The following ZNF557 variants were observed in gnomAD, a reference collection of about 807,000 sequenced individuals.
ZNF557 encodes the protein zinc finger protein 557.
A neutral mutation model predicts 21.2 loss-of-function variants in ZNF557; 19 were observed. The ratio of observed to expected loss-of-function variants is 0.90; its 90% CI spans 0.63 to 1.32. The LOEUF (loss-of-function observed/expected upper bound fraction) is 1.32, where lower values mean the gene tolerates loss of function less well. Among genes scored for constraint, ZNF557 ranks in the 40% most tolerant of loss-of-function variants. ZNF557 has a pLI of 0.00. For missense variants in ZNF557, 487 were observed against 519.8 expected, an observed-to-expected ratio of 0.94 and a Z score of 0.61; for synonymous variants, 207 against 194.8, an observed-to-expected ratio of 1.06 and a Z score of -0.52.
At position 7,075,255 on chromosome 19, in the gene ZNF557, T is replaced by C. The variant is rs554894754; in HGVS notation, c.31+150T>C. ...CCTCCGTGTCTGATCGGGCGGCTCT[T>C]GGGACTTGGGACTTAGGCATTTGGG... On this transcript the variant is annotated intron_variant, in intron 3 of 7. Coordinates refer to ENST00000252840, the MANE Select transcript of ZNF557 (RefSeq NM_024341.3). The C allele has an allele frequency of 6.6e-5, 67 of 1,013,798 alleles. No homozygotes were observed. The East Asian group carries it at 1.2e-3, about 17-fold the overall frequency. 62.8% of individuals were successfully genotyped at this position (1,013,798 alleles called of 1,614,324 possible). A position where few individuals can be genotyped will look rare whatever the true frequency, so the allele number is the denominator to read the frequency against.
rs1363513051 is a variant in ZNF557, at chr19:7,086,209, CAA to C, written c.*2468_*2469del. 8.0e-6 allele frequency: 1 copy of C among 124,298 alleles called. No homozygotes were observed. Among genetic ancestry groups the C allele is most frequent in the East Asian group, 2.4e-4 (1 of 4,186 alleles). 7.7% of individuals were successfully genotyped at this position (124,298 alleles called of 1,614,324 possible). On this transcript the variant is annotated 3_prime_UTR_variant, in exon 8 of 8. Coordinates refer to ENST00000252840, the MANE Select transcript of ZNF557 (RefSeq NM_024341.3). ...TCATGCCACTTCACTCCAGCCTGGG[CAA>C]AAGAGTGCAACTCTGTCTCAAAAAA...
At chr19:7,071,381 C>T (rs1426514687) in intron 2 of ZNF557, among the ~76,000 whole-genome samples, 1 of 152,134 alleles carries the variant, frequency 6.6e-6, no homozygotes, top group African/African-American at 2.4e-5. Flanking sequence ...GCTTCTCAGT[C>T]GCACTAACCA....
At chr19:7,071,488 C>T (rs1977455859) in intron 2 of ZNF557, among the ~76,000 whole-genome samples, 1 of 152,174 alleles carries the variant, frequency 6.6e-6, no homozygotes, top group Non-Finnish European at 1.5e-5. Flanking sequence ...TGCTGGGCGG[C>T]ATTGTTCTAG....
At chr19:7,080,028 G>A (rs1054755667) in intron 5 of ZNF557, among the ~76,000 whole-genome samples, 12 of 152,128 alleles carry the variant, frequency 7.9e-5, no homozygotes, top group South Asian at 2.1e-4. Context: ...GAGGCCGGGC[G>A]CAGTGGCTCA....
intron 2 of ZNF557, among the ~76,000 whole-genome samples, chr19:7,074,431 C>T (rs1475921045): frequency 2.6e-5 from 4 of 151,382 alleles, no homozygotes; most frequent in African/African-American, 9.7e-5. Flanking sequence ...CTTAAATTTA[C>T]TGACGATAAT....
chr19:7,079,377 G>A (rs374777229), intron 5 of ZNF557, among the ~76,000 whole-genome samples: 1 of 151,332 alleles, frequency 6.6e-6, no homozygotes, highest in East Asian at 1.9e-4. Context: ...GAGTAGCTGG[G>A]ACTACAGGCG....
rs1977830023 is a variant in ZNF557 at position 7,085,933 on chromosome 19, T to C, written c.*2189T>C. ...TCCTGAGTGATCTAGTTTGTTATAATAGAAATTAGACATTTGCCAGGTGTG... is the reference window on the plus strand; with the variant it reads ...TCCTGAGTGATCTAGTTTGTTATAACAGAAATTAGACATTTGCCAGGTGTG... On this transcript the variant is annotated 3_prime_UTR_variant, in exon 8 of 8. Transcript: ENST00000252840. 1 of 152,062 alleles carries C rather than the reference T, an allele frequency of 6.6e-6. No individual in the cohort carries two copies. The highest frequency in any genetic ancestry group is 2.4e-5 in the African/African-American group (1 of 41,416). 9.4% of individuals were successfully genotyped at this position (152,062 alleles called of 1,614,324 possible). A position where few individuals can be genotyped will look rare whatever the true frequency, so the allele number is the denominator to read the frequency against.
chr19:7,082,689 A>G (rs1027945058), intron 7 of ZNF557, among the ~76,000 whole-genome samples, 189 bp from the exon 8 acceptor site: 14 of 152,230 alleles, frequency 9.2e-5, no homozygotes, highest in African/African-American at 3.4e-4. Context: ...GATTTGTAGA[A>G]AGAATCCATC....
chr19:7,078,523 T>G (rs1411248968), intron 5 of ZNF557, among the ~76,000 whole-genome samples: 1 of 151,498 alleles, frequency 6.6e-6, no homozygotes, highest in African/African-American at 2.4e-5. Context: ...CTCTGCCTCC[T>G]GGGTTCAAGC....
intron 7 of ZNF557, among the ~76,000 whole-genome samples, chr19:7,082,421 CAAAAAAAA>C (rs10641888): frequency 9.2e-6 from 1 of 108,428 alleles, no homozygotes. Context: ...GACTCTGTCT[CAAAAAAAA>C]AAAAAAAAAA....
Position 7,085,278 on chromosome 19 carries a change from T to C in ZNF557, c.*1534T>C. 6.6e-6 allele frequency: 1 copy of C among 152,170 alleles called. No individual in the cohort carries two copies. Among genetic ancestry groups the C allele is most frequent in the Non-Finnish European group, 1.5e-5 (1 of 68,040 alleles). The allele number at this position is 152,170 out of a possible 1,614,324, so 9.4% of individuals were successfully genotyped here. A position where few individuals can be genotyped will look rare whatever the true frequency, so the allele number is the denominator to read the frequency against. ...ACCTCTGCCTCCCAGGCTTAAGGGA[T>C]CCTCCCACCTCAGCCTCCCAAGTAG... is the stretch of plus-strand genomic sequence containing the variant. On this transcript the variant is annotated 3_prime_UTR_variant, in exon 8 of 8. Coordinates refer to ENST00000252840, the MANE Select transcript of ZNF557 (RefSeq NM_024341.3).
In ZNF557 at chr19:7,083,499, T is replaced by C; in HGVS notation, c.1048T>C (p.Cys350Arg). The change falls in exon 8 of 8, where the codon TGT becomes CGT. Residue 350 changes from cysteine (C) to arginine (R), a missense_variant. Coordinates refer to ENST00000252840, the MANE Select transcript of ZNF557 (RefSeq NM_024341.3). ...RTHTGEKPYT[C>R]NECGKSFTNS... is the part of the protein sequence containing the mutation. ...TCATACTGGAGAAAAACCCTACACA[T>C]GTAATGAGTGTGGGAAATCCTTTAC... 6.2e-7 allele frequency: 1 copy of C among 1,614,156 alleles called. No homozygotes were observed. The highest frequency in any genetic ancestry group is 1.6e-4 in the Middle Eastern group (1 of 6,062).
Position 7,085,254 on chromosome 19 carries a change from C to T in ZNF557, c.*1510C>T, listed in dbSNP as rs1368125543. On this transcript the variant is annotated 3_prime_UTR_variant, in exon 8 of 8. Coordinates refer to ENST00000252840, the MANE Select transcript of ZNF557 (RefSeq NM_024341.3). ...GTGGTGCAATCTTGGCTTATTGTAA[C>T]CTCTGCCTCCCAGGCTTAAGGGATC... 6.6e-6 allele frequency: 1 copy of T among 152,100 alleles called. No homozygotes were observed. Among genetic ancestry groups the T allele is most frequent in the Non-Finnish European group, 1.5e-5 (1 of 68,018 alleles). The allele number at this position is 152,100 out of a possible 1,614,324, so 9.4% of individuals were successfully genotyped here. A position where few individuals can be genotyped will look rare whatever the true frequency, so the allele number is the denominator to read the frequency against.
At position 7,084,230 on chromosome 19, in the gene ZNF557, T is replaced by C. The variant is rs1008379303; in HGVS notation, c.*486T>C. 1.8e-5 allele frequency: 3 copies of C among 164,026 alleles called. No homozygotes were observed. The highest frequency in any genetic ancestry group is 7.2e-5 in the African/African-American group (3 of 41,512). The allele number at this position is 164,026 out of a possible 1,614,324, so 10.2% of individuals were successfully genotyped here. On this transcript the variant is annotated 3_prime_UTR_variant, in exon 8 of 8. Transcript: ENST00000252840. ...ATATGTTTTCATGTCCCTGTTACAT[T>C]GGTCATACACACCAATCCTGATACA...
At chr19:7,072,818 CT>C (rs1402946340) in intron 2 of ZNF557, among the ~76,000 whole-genome samples, 1 of 152,288 alleles carries the variant, frequency 6.6e-6, no homozygotes, top group East Asian at 1.9e-4. Flanking sequence ...TGTGTGTGTC[CT>C]GCTCCCAGAA....
At position 7,087,767 on chromosome 19, in the gene ZNF557, C is replaced by T. The variant is rs1977899719; in HGVS notation, c.*4023C>T. On this transcript the variant is annotated 3_prime_UTR_variant, in exon 8 of 8. Coordinates refer to ENST00000252840, the MANE Select transcript of ZNF557 (RefSeq NM_024341.3). ...GTTAGCTTCCAGGTGAATGCATTAT[C>T]TGTTAATCCTGTTTATTGATCTGTT... is the stretch of plus-strand genomic sequence containing the variant. 6.6e-6 allele frequency: 1 copy of T among 151,702 alleles called. No homozygotes were observed. Among genetic ancestry groups the T allele is most frequent in the African/African-American group, 2.4e-5 (1 of 41,278 alleles). 9.4% of individuals were successfully genotyped at this position (151,702 alleles called of 1,614,324 possible). A position where few individuals can be genotyped will look rare whatever the true frequency, so the allele number is the denominator to read the frequency against.
chr19:7,070,320 A>T (rs1027537580), intron 1 of ZNF557, among the ~76,000 whole-genome samples: 28 of 152,224 alleles, frequency 1.8e-4, no homozygotes, highest in Admixed American at 1.8e-3. Context: ...TAAGCAAGTC[A>T]GATGAAAACA....
chr19:7,083,196 T>TC lies in ZNF557; in HGVS notation c.746dup (p.Tyr250IlefsTer18). On this transcript the variant is annotated frameshift_variant, in exon 8 of 8. Coordinates refer to ENST00000252840, the MANE Select transcript of ZNF557 (RefSeq NM_024341.3). LOFTEE classifies it low-confidence loss of function (END_TRUNC). Reference sequence around the variant, plus strand: ...CTGTGGGAAAACCTTCAGCAATTCCTCATACCTCAGACCGCACTTGAGAAT... The same window carrying TC: ...CTGTGGGAAAACCTTCAGCAATTCCTCCATACCTCAGACCGCACTTGAGAAT... The TC allele has an allele frequency of 1.2e-6, 2 of 1,614,182 alleles. No individual in the cohort carries two copies. The highest frequency in any genetic ancestry group is 1.7e-6 in the Non-Finnish European group (2 of 1,180,028).
At chr19:7,077,132 CTTTTTTTTT>C (rs4031071) in intron 5 of ZNF557, among the ~76,000 whole-genome samples, 2 of 78,368 alleles carry the variant, frequency 2.6e-5, no homozygotes, top group African/African-American at 5.2e-5. Flanking sequence ...TGTTTTCTTT[CTTTTTTTTT>C]TTTTTTTTTT....
Sources: gnomAD v4.1 joint callset for allele counts (sites outside exome capture counted in the v4.1 genomes callset) on GRCh38, gnomAD v4.1.1 for gene constraint, MANE v1.5 for transcripts, NCBI Gene and HGNC (gene_info 2026-07-23, HGNC 2026-07-21) for gene names.